Variants in SCAI observed in about 807,000 individuals in gnomAD.
SCAI encodes the protein suppressor of cancer cell invasion.
A neutral mutation model predicts 92.2 loss-of-function variants in SCAI; 24 were observed. The ratio of observed to expected loss-of-function variants is 0.26; its 90% CI spans 0.19 to 0.37. The LOEUF (loss-of-function observed/expected upper bound fraction) is 0.37. SCAI is among the 10% of genes least tolerant of loss of function. The probability of loss-of-function intolerance (pLI) is 1.00; values close to 1 mark genes in which losing one functional copy is unlikely to be tolerated. For missense variants in SCAI, 450 were observed against 736.2 expected (o/e 0.61, Z 4.50); for synonymous variants, 261 against 258.6 (o/e 1.01, Z -0.09).
chr9:125,121,086 TAAGA>T (rs1835147719), intron 2 of SCAI, among the ~76,000 whole-genome samples: 1 of 151,978 alleles, frequency 6.6e-6, no homozygotes, highest in Non-Finnish European at 1.5e-5. Flanking sequence ...CAATGAAGGA[TAAGA>T]AATTCTCATT....
chr9:125,099,618 A>G (rs1056841786), intron 2 of SCAI, among the ~76,000 whole-genome samples: 1 of 152,234 alleles, frequency 6.6e-6, no homozygotes, highest in African/African-American at 2.4e-5. Context: ...TAAGCAAAAC[A>G]TAAGAATTAT....
intron 2 of SCAI, among the ~76,000 whole-genome samples, chr9:125,124,547 G>A (rs1835222394): frequency 6.6e-6 from 1 of 152,204 alleles, no homozygotes; most frequent in African/African-American, 2.4e-5. Context: ...AAGGAGTCAG[G>A]CAGGAGAAGC....
chr9:124,983,039 G>C (rs1329435665), intron 14 of SCAI, among the ~76,000 whole-genome samples: 2 of 151,746 alleles, frequency 1.3e-5, no homozygotes, highest in Non-Finnish European at 2.9e-5. Context: ...TGTAGTCCTA[G>C]TACTCGGGAG....
chr9:125,061,521 G>A lies in SCAI; in HGVS notation c.99-5514C>T, dbSNP rs141973028. On this transcript the variant is annotated intron_variant, in intron 2 of 17. Transcript: ENST00000336505. ...ACGCCTGTAATCCCAACACTTTGGA[G>A]GCTGAGAAGGGCAGATCACTTGAGT... Among the ~76,000 whole-genome samples, 445 of 152,326 alleles carry A rather than the reference G, an allele frequency of 2.9e-3. 5 individuals are homozygous for A. Among genetic ancestry groups the A allele is most frequent in the African/African-American group, 0.01 (418 of 41,578 alleles).
At chr9:125,003,295 T>A (rs553429386) in intron 10 of SCAI, 80 bp from the exon 11 acceptor site, 40 of 1,170,626 alleles carry the variant, frequency 3.4e-5, no homozygotes, top group Non-Finnish European at 4.9e-5. Context: ...TCACTAGCCC[T>A]TATCAAGGAA....
At chr9:125,134,892 TCTTGAA>T (rs910428293) in intron 2 of SCAI, among the ~76,000 whole-genome samples, 1 of 152,108 alleles carries the variant, frequency 6.6e-6, no homozygotes, top group Non-Finnish European at 1.5e-5. Flanking sequence ...GTCAGGCTGG[TCTTGAA>T]CTTCCAGCCT....
chr9:125,129,454 CTTTTTT>C (rs1171739834), intron 2 of SCAI, among the ~76,000 whole-genome samples: 106 of 67,570 alleles, frequency 1.6e-3, no homozygotes, highest in African/African-American at 6.9e-3. Flanking sequence ...ATTAGAATTT[CTTTTTT>C]TTTTTTTTTT....
chr9:124,944,466 ATTTTTTTTTTTTTT>A lies in SCAI; in HGVS notation c.*8327_*8340del, dbSNP rs71374207. On this transcript the variant is annotated 3_prime_UTR_variant, in exon 18 of 18. Coordinates refer to ENST00000336505, the MANE Select transcript of SCAI (RefSeq NM_001144877.3). The stretch of plus-strand genomic sequence containing the variant: ...AGGCGCACACCACCATGCCTGGCTA[ATTTTTTTTTTTTTT>A]TTTTTTTTTTTGTATTTTAGTAGCG... 5.9e-5 allele frequency: 5 copies of A among 84,724 alleles called. No homozygotes were observed. In the South Asian group the frequency reaches 1.4e-3, roughly 24 times the overall value. 5.2% of individuals were successfully genotyped at this position (84,724 alleles called of 1,614,324 possible).
At chr9:125,108,087 G>A (rs1435969513) in intron 2 of SCAI, among the ~76,000 whole-genome samples, 1 of 152,284 alleles carries the variant, frequency 6.6e-6, no homozygotes, top group Non-Finnish European at 1.5e-5. Flanking sequence ...GCCAGCCTGG[G>A]CCTCCCGAGG....
chr9:125,102,088 T>C (rs971512902), intron 2 of SCAI, among the ~76,000 whole-genome samples: 6 of 152,130 alleles, frequency 3.9e-5, no homozygotes, highest in Admixed American at 2.6e-4. Flanking sequence ...TCTAGCGGCA[T>C]CCCTGGCCTC....
In SCAI at chr9:125,129,519, A is replaced by C. The variant is rs528805698; in HGVS notation, c.98+13114T>G. Among the ~76,000 whole-genome samples the C allele has an allele frequency of 6.1e-5, 7 of 115,386 alleles. No homozygotes were observed. In the East Asian group the frequency reaches 2.1e-3, roughly 35 times the overall value. The allele number at this position is 115,386 out of a possible 152,430, so 75.7% of individuals were successfully genotyped here. ...CACTCTGTCACCCAGGCTGGAGTGC[A>C]GTGGCATGATCTTGGCTCACTGCAA... On this transcript the variant is annotated intron_variant, in intron 2 of 17. Coordinates refer to ENST00000336505, the MANE Select transcript of SCAI (RefSeq NM_001144877.3).
intron 14 of SCAI, among the ~76,000 whole-genome samples, chr9:124,987,813 A>G (rs1832029472): frequency 6.6e-6 from 1 of 151,898 alleles, no homozygotes; most frequent in African/African-American, 2.4e-5. Context: ...AAATACAAAA[A>G]TTAGCCGGGT....
At chr9:125,110,234 AG>A (rs1390016377) in intron 2 of SCAI, among the ~76,000 whole-genome samples, 1 of 152,250 alleles carries the variant, frequency 6.6e-6, no homozygotes, top group Non-Finnish European at 1.5e-5. Context: ...AGAAAAACAC[AG>A]CTGACCAAAA....
intron 3 of SCAI, among the ~76,000 whole-genome samples, chr9:125,051,843 C>A (rs1221719750): frequency 6.6e-6 from 1 of 151,944 alleles, no homozygotes; most frequent in South Asian, 2.1e-4. Context: ...CCAAGGCAGG[C>A]GGATCACTTG....
chr9:125,071,791 G>A (rs911810281), intron 2 of SCAI, among the ~76,000 whole-genome samples: 2 of 152,124 alleles, frequency 1.3e-5, no homozygotes, highest in Non-Finnish European at 2.9e-5. Context: ...AAGGAGTGTT[G>A]GTTAATCAGA....
rs1442959015 is a variant in SCAI at position 124,948,143 on chromosome 9, A to C, written c.*4664T>G. Reference sequence around the variant, plus strand: ...CCCATTATCCTGACTAAATCAGTATAATTACGACATAATCTGTTTCAGGGA... The same window carrying C: ...CCCATTATCCTGACTAAATCAGTATCATTACGACATAATCTGTTTCAGGGA... On this transcript the variant is annotated 3_prime_UTR_variant, in exon 18 of 18. Transcript: ENST00000336505. 1 of 152,242 alleles carries C rather than the reference A, an allele frequency of 6.6e-6. No individual in the cohort carries two copies. Among genetic ancestry groups the C allele is most frequent in the Non-Finnish European group, 1.5e-5 (1 of 68,036 alleles). 9.4% of individuals were successfully genotyped at this position (152,242 alleles called of 1,614,324 possible).
chr9:125,049,351 A>T (rs2131125576), intron 3 of SCAI, among the ~76,000 whole-genome samples: 1 of 152,260 alleles, frequency 6.6e-6, no homozygotes, highest in South Asian at 2.1e-4. Context: ...ACATGTCTCG[A>T]GATGCTGCCT....
intron 14 of SCAI, among the ~76,000 whole-genome samples, chr9:124,989,686 C>T (rs956668674): frequency 6.7e-6 from 1 of 149,942 alleles, no homozygotes; most frequent in Non-Finnish European, 1.5e-5. Context: ...GAGTTTGAGA[C>T]CAGCCAGACC....
chr9:125,142,553 G>A (rs1476475398), intron 2 of SCAI, 80 bp downstream of exon 2: 1 of 981,622 alleles, frequency 1.0e-6, no homozygotes, highest in Non-Finnish European at 1.6e-6. Context: ...TCTACTGACA[G>A]TATACAATTA....
Sources: gnomAD v4.1 joint callset for allele counts (sites outside exome capture counted in the v4.1 genomes callset) on GRCh38, gnomAD v4.1.1 for gene constraint, MANE v1.5 for transcripts, NCBI Gene and HGNC (gene_info 2026-07-23, HGNC 2026-07-21) for gene names.